P4HTM: variants seen among roughly 807,000 people sequenced by gnomAD.
P4HTM encodes prolyl 4-hydroxylase, transmembrane, also known as transmembrane prolyl 4-hydroxylase.
In P4HTM, 33 loss-of-function variants were observed where a neutral mutation model predicts 55.3. The ratio of observed to expected loss-of-function variants is 0.60; its 90% confidence interval spans 0.45 to 0.80. The LOEUF is 0.80. Among genes scored for constraint, P4HTM ranks in the 30% least tolerant of loss-of-function variants. The pLI, the probability that P4HTM is intolerant of heterozygous loss-of-function variation, is 0.00. For synonymous variants in P4HTM, 272 were observed against 286.4 expected, an observed-to-expected ratio of 0.95 and a Z score of 0.51; for missense variants, 542 against 696.5, an observed-to-expected ratio of 0.78 and a Z score of 2.50.
chr3:48,990,564 G>T lies in P4HTM; in HGVS notation c.308G>T (p.Gly103Val), dbSNP rs761024515. 1.2e-6 allele frequency: 2 copies of T among 1,608,564 alleles called. No individual in the cohort carries two copies. The highest frequency in any genetic ancestry group is 1.7e-6 in the Non-Finnish European group (2 of 1,178,424). Residue 103 changes from glycine (G) to valine (V), a missense_variant, in exon 1 of 9, where the codon GGG (glycine) becomes GTG (valine). Coordinates refer to ENST00000383729, the MANE Select transcript of P4HTM (RefSeq NM_177939.3). The surrounding 1 kb of genome is among the most constrained non-coding windows in gnomAD (Gnocchi z 7.2). ...PGPQHRAQGPGPEPTLGPLTR... is the reference protein window; with the variant it reads ...PGPQHRAQGPVPEPTLGPLTR... ...CCCCAACACCGTGCCCAGGGCCCCG[G>T]GCCCGAGCCCACCTTAGGTCCCCTC...
intron 8 of P4HTM, among the ~76,000 whole-genome samples, 164 bp from the exon 9 acceptor site, chr3:49,006,523 T>C (rs1187512323): frequency 6.6e-6 from 1 of 152,218 alleles, no homozygotes; most frequent in African/African-American, 2.4e-5. Flanking sequence ...GTGTTGACTA[T>C]ACATTAGTGG....
At chr3:48,994,045 A>G (rs1386858093) in intron 2 of P4HTM, among the ~76,000 whole-genome samples, 1 of 152,176 alleles carries the variant, frequency 6.6e-6, no homozygotes, top group Non-Finnish European at 1.5e-5. Context: ...CAATGATTAC[A>G]GGAAGTCCAG....
intron 8 of P4HTM, 44 bp from the exon 9 acceptor site, chr3:49,006,643 C>T: frequency 6.4e-7 from 1 of 1,568,254 alleles, no homozygotes; most frequent in South Asian, 1.1e-5. Flanking sequence ...AGGCCAAGCT[C>T]TGGCCAGCCC....
chr3:48,990,749 T>G lies in P4HTM; in HGVS notation c.355-84T>G. 6.6e-7 allele frequency: 1 copy of G among 1,523,092 alleles called. No homozygotes were observed. Among genetic ancestry groups the G allele is most frequent in the East Asian group, 2.4e-5 (1 of 42,184 alleles). The allele number at this position is 1,523,092 out of a possible 1,614,324, so 94.3% of individuals were successfully genotyped here. On this transcript the variant is annotated intron_variant, in intron 1 of 8. Coordinates refer to ENST00000383729, the MANE Select transcript of P4HTM (RefSeq NM_177939.3). The surrounding 1 kb of genome is among the most constrained non-coding windows in gnomAD (Gnocchi z 7.2). ...CGCGCTCCCACTCACTCGCCTGCTG[T>G]CGCTCTCCGGGCCGGGGCGACTTGG...
Position 48,990,979 on chromosome 3 carries a change from G to C in P4HTM, c.436+65G>C, listed in dbSNP as rs1269394019. ...CGGTTTGGTGGCCACCTTGAGGCTCGTTGTGACCACGTGACCTCTATTTTG... is the reference window on the plus strand; with the variant it reads ...CGGTTTGGTGGCCACCTTGAGGCTCCTTGTGACCACGTGACCTCTATTTTG... On this transcript the variant is annotated intron_variant, in intron 2 of 8. Transcript: ENST00000383729. This position sits in a 1 kb window ranked among gnomAD's most constrained non-coding sequence, Gnocchi z 7.2. 2 of 1,234,842 alleles carry C rather than the reference G, an allele frequency of 1.6e-6. No homozygotes were observed. The highest frequency in any genetic ancestry group is 2.4e-6 in the Non-Finnish European group (2 of 846,626). 76.5% of individuals were successfully genotyped at this position (1,234,842 alleles called of 1,614,324 possible). A position where few individuals can be genotyped will look rare whatever the true frequency, so the allele number is the denominator to read the frequency against.
intron 2 of P4HTM, among the ~76,000 whole-genome samples, chr3:49,000,612 C>T (rs1185522507): frequency 6.6e-6 from 1 of 152,148 alleles, no homozygotes; most frequent in East Asian, 1.9e-4. Flanking sequence ...GGCCCATGCT[C>T]CTGCTCTGGA....
intron 2 of P4HTM, among the ~76,000 whole-genome samples, chr3:48,996,576 G>A (rs890769138): frequency 6.6e-6 from 1 of 152,086 alleles, no homozygotes; most frequent in East Asian, 1.9e-4. Context: ...TGGCTAGGAT[G>A]GTCTCAATCT....
At position 49,006,877 on chromosome 3, in the gene P4HTM, G is replaced by C. The variant is rs1324149701; in HGVS notation, c.1479G>C (p.Arg493=). ...TDSQPEWALD[R]AYRDARVEL ...CACAGCCCGAGTGGGCTCTGGACCGGGCCTACCGCGATGCGCGCGTGGAAC... is the reference window on the plus strand; with the variant it reads ...CACAGCCCGAGTGGGCTCTGGACCGCGCCTACCGCGATGCGCGCGTGGAAC... Residue 493 remains arginine (R), a synonymous_variant, in exon 9 of 9, where the codon CGG becomes CGC. Coordinates refer to ENST00000383729, the MANE Select transcript of P4HTM (RefSeq NM_177939.3). 1 of 1,612,596 alleles carries C rather than the reference G, an allele frequency of 6.2e-7. No homozygotes were observed. The highest frequency in any genetic ancestry group is 1.1e-5 in the South Asian group (1 of 91,064).
At chr3:48,992,660 CTCTT>C (rs2092934100) in intron 2 of P4HTM, among the ~76,000 whole-genome samples, 1 of 106,934 alleles carries the variant, frequency 9.4e-6, no homozygotes, top group African/African-American at 3.9e-5. Flanking sequence ...GGGATTAGAA[CTCTT>C]TTTTTTTTTT....
chr3:48,995,681 C>G (rs991288503), intron 2 of P4HTM, among the ~76,000 whole-genome samples: 1 of 152,010 alleles, frequency 6.6e-6, no homozygotes, highest in South Asian at 2.1e-4. Flanking sequence ...CTCCTGGGCT[C>G]AAGCCATTCT....
rs1191885572 is a variant in P4HTM at position 49,005,436 on chromosome 3, C to T, written c.1074-341C>T. 4 of 1,386,732 alleles carry T rather than the reference C, an allele frequency of 2.9e-6. No individual in the cohort carries two copies. In the African/African-American group the frequency reaches 5.8e-5, roughly 20 times the overall value. 85.9% of individuals were successfully genotyped at this position (1,386,732 alleles called of 1,614,324 possible). The stretch of plus-strand genomic sequence containing the variant: ...AGCCAGTTCTTTCCTCTTCAGGTGG[C>T]TGTTCTGGCCCAGCCCCTTCCCATC... On this transcript the variant is annotated intron_variant, in intron 6 of 8. Transcript: ENST00000383729.
In P4HTM at chr3:49,004,132, C is replaced by A. The variant is rs1203832687; in HGVS notation, c.759C>A (p.Asp253Glu). 2.6e-6 allele frequency: 4 copies of A among 1,555,164 alleles called. No homozygotes were observed. The highest frequency in any genetic ancestry group is 3.5e-6 in the Non-Finnish European group (4 of 1,149,728). Residue 253 changes from aspartate to glutamate, a missense_variant, in exon 5 of 9, where the codon GAC (aspartate) becomes GAA (glutamate). Physicochemically the swap from Asp to Glu is conservative, Grantham distance 45. Around this residue, in one of 2 missense-constraint regions of P4HTM, gnomAD observed 536 missense variants for 672.1 expected, o/e 0.80. Transcript: ENST00000383729. ...VLSLQEFSNM[D>E]LRDFHKYMRS... ...GTCTGCAGGAGTTCTCCAACATGGA[C>A]CTTCGGGACTTCCACAAGTACATGA...
At chr3:49,000,458 TG>T (rs2092957870) in intron 2 of P4HTM, among the ~76,000 whole-genome samples, 1 of 152,188 alleles carries the variant, frequency 6.6e-6, no homozygotes, top group Admixed American at 6.5e-5. Flanking sequence ...TGGCAATGAC[TG>T]GAACTTTGTG....
intron 2 of P4HTM, among the ~76,000 whole-genome samples, chr3:48,994,129 G>A (rs114483710): frequency 6.6e-6 from 1 of 152,306 alleles, no homozygotes; most frequent in African/African-American, 2.4e-5. Context: ...CTACAAAGAA[G>A]GATGCCTCAT....
In P4HTM at chr3:49,004,095, C is replaced by T; in HGVS notation, c.725-3C>T. 6.4e-7 allele frequency: 1 copy of T among 1,555,786 alleles called. No homozygotes were observed. The highest frequency in any genetic ancestry group is 8.7e-7 in the Non-Finnish European group (1 of 1,150,156). On this transcript the variant is annotated splice_polypyrimidine_tract_variant and splice_region_variant and intron_variant, in intron 4 of 8. Transcript: ENST00000383729. ...GGGCATTGATGGTGGGTGCCCTGTG[C>T]AGGAGTGCTGAGTCTGCAGGAGTTC...
intron 2 of P4HTM, among the ~76,000 whole-genome samples, chr3:48,994,440 G>T (rs747167681): frequency 1.3e-5 from 2 of 152,318 alleles, no homozygotes; most frequent in Non-Finnish European, 2.9e-5. Flanking sequence ...GGAAGACCCC[G>T]TGCAGCCCCC....
At chr3:48,993,131 C>A (rs1195312176) in intron 2 of P4HTM, among the ~76,000 whole-genome samples, 2 of 151,950 alleles carry the variant, frequency 1.3e-5, no homozygotes, top group East Asian at 3.9e-4. Flanking sequence ...ATGGGGGAAC[C>A]CCGTCTACTA....
intron 2 of P4HTM, chr3:48,998,188 G>T (rs952447368): frequency 2.0e-5 from 3 of 152,326 alleles, no homozygotes; most frequent in Non-Finnish European, 2.9e-5. Flanking sequence ...TCACATGGGC[G>T]GTCCAGGCGG....
chr3:48,992,323 G>C (rs1346793900), intron 2 of P4HTM: 6 of 151,952 alleles, frequency 3.9e-5, no homozygotes, highest in Admixed American at 2.6e-4. Context: ...ATAGCAGACA[G>C]GGCCGGGCGT....
Sources: allele counts gnomAD v4.1 joint callset (sites outside exome capture counted in the v4.1 genomes callset), GRCh38; gene constraint gnomAD v4.1.1; regional missense constraint gnomAD v4.1.1; non-coding constraint Gnocchi (gnomAD v3.1); transcripts MANE v1.5; gene names NCBI Gene and HGNC (gene_info 2026-07-23, HGNC 2026-07-21).